Variants in SLC9A6 observed in about 807,000 individuals in gnomAD.
The protein encoded by SLC9A6 is sodium/hydrogen exchanger 6.
A neutral mutation model predicts 45.3 loss-of-function variants in SLC9A6; 6 were observed. That is an observed-to-expected ratio of 0.13 (90% CI 0.07 to 0.26). SLC9A6 has a LOEUF of 0.26. Ranked by LOEUF, SLC9A6 falls within the 10% of genes least tolerant of loss-of-function variation. SLC9A6 has a pLI of 1.00. For synonymous variants in SLC9A6, 191 were observed against 187.7 expected (o/e 1.02, Z -0.14); for missense variants, 278 against 503.7 (o/e 0.55, Z 4.29).
At chrX:135,983,526 A>AG (rs1226347801), upstream of SLC9A6, 8 of 109,007 alleles carry the variant, frequency 7.3e-5, no homozygotes, top group African/African-American at 2.7e-4. Flanking sequence ...CAGAAGCCTC[A>AG]GGGGGATTGG....
intron 16 of SLC9A6, among the ~76,000 whole-genome samples, chrX:136,036,051 T>A (rs1556621791): frequency 9.0e-6 from 1 of 110,528 alleles, no homozygotes; most frequent in Non-Finnish European, 1.9e-5. Context: ...AGTGAGCCAC[T>A]TGCCCAGCCT....
intron 2 of SLC9A6, among the ~76,000 whole-genome samples, chrX:135,993,309 T>A (rs2089458304): frequency 9.0e-6 from 1 of 111,303 alleles, no homozygotes; most frequent in South Asian, 3.8e-4. Context: ...GAGTGACTGC[T>A]AGTAGGTGTG....
At chrX:135,985,280 C>A (rs1422110950), upstream of SLC9A6, 11 of 287,977 alleles carry the variant, frequency 3.8e-5, no homozygotes, top group Middle Eastern at 9.0e-4. Flanking sequence ...GTTTAGACGG[C>A]CTTTCATTCC....
At chrX:136,002,941 C>G (rs1219735783) in intron 7 of SLC9A6, among the ~76,000 whole-genome samples, 8 of 111,145 alleles carry the variant, frequency 7.2e-5, no homozygotes, top group Non-Finnish European at 7.6e-5. Context: ...AATTCACACT[C>G]TTACATCTGT....
chrX:136,036,877 A>G (rs2148206456), intron 16 of SLC9A6, among the ~76,000 whole-genome samples: 1 of 112,615 alleles, frequency 8.9e-6, no homozygotes, highest in African/African-American at 3.2e-5. Flanking sequence ...ATCCATCACA[A>G]ATTCATTTTT....
At position 136,042,884 on chromosome X, in the gene SLC9A6, A is replaced by G. The variant is rs367769498; in HGVS notation, c.1768-1568A>G. On this transcript the variant is annotated intron_variant, in intron 17 of 17. Transcript: ENST00000630721. Reference sequence around the variant, plus strand: ...AATTCATGTATTCAGTCTCTTATGGATAGATGTTTCAGTCATTTCCTTTTT... The same window carrying G: ...AATTCATGTATTCAGTCTCTTATGGGTAGATGTTTCAGTCATTTCCTTTTT... Among the ~76,000 whole-genome samples, 30 of 111,567 alleles carry G rather than the reference A, an allele frequency of 2.7e-4. No homozygotes were observed. The South Asian group carries it at 0.01, about 39-fold the overall frequency.
At chrX:136,031,046 T>C (rs1030667164) in intron 15 of SLC9A6, among the ~76,000 whole-genome samples, 9 of 111,889 alleles carry the variant, frequency 8.0e-5, no homozygotes, top group Non-Finnish European at 1.5e-4. Context: ...TGAGTGTGAA[T>C]GTATGTATGA....
chrX:136,042,564 G>A, intron 17 of SLC9A6, among the ~76,000 whole-genome samples: 1 of 112,049 alleles, frequency 8.9e-6, no homozygotes, highest in Middle Eastern at 4.7e-3. Flanking sequence ...CATACAGTAT[G>A]GAATGTACAA....
rs2071479567 is a variant in SLC9A6, at chrX:136,040,038, G to A, written c.1662-38G>A. On this transcript the variant is annotated intron_variant, in intron 16 of 17. Coordinates refer to ENST00000630721, the MANE Select transcript of SLC9A6 (RefSeq NM_001379110.1). ...TCAAACGAGTTGCTCTTTTAAATTT[G>A]TAAAGAAAGGACCACAGCTCTTCCT... is the stretch of plus-strand genomic sequence containing the variant. 6 of 1,080,157 alleles carry A rather than the reference G, an allele frequency of 5.6e-6. No individual in the cohort carries two copies. The East Asian group carries it at 1.8e-4, about 33-fold the overall frequency. The allele number at this position is 1,080,157 out of a possible 1,213,427, so 89.0% of individuals were successfully genotyped here. A position where few individuals can be genotyped will look rare whatever the true frequency, so the allele number is the denominator to read the frequency against.
intron 11 of SLC9A6, among the ~76,000 whole-genome samples, chrX:136,019,558 A>G (rs1054889854): frequency 1.8e-5 from 2 of 112,684 alleles, no homozygotes; most frequent in Non-Finnish European, 3.7e-5. Context: ...ACGTTGGCCC[A>G]CATGTTTCGT....
In SLC9A6 at chrX:136,024,444, G is replaced by A; in HGVS notation, c.1421G>A (p.Gly474Asp). The change falls in exon 13 of 18, where the codon GGT becomes GAT. Residue 474 changes from glycine (G) to aspartate (D), a missense_variant. Gly to Asp is a moderately conservative substitution (Grantham distance 94). Transcript: ENST00000630721. ...LIVFFTVWVF[G>D]GGTTAMLSCL... ...GTGTTTTTTACCGTGTGGGTATTTGGTGGTGGCACCACTGCAATGCTGTCA... is the reference window on the plus strand; with the variant it reads ...GTGTTTTTTACCGTGTGGGTATTTGATGGTGGCACCACTGCAATGCTGTCA... The A allele has an allele frequency of 8.3e-7, 1 of 1,210,587 alleles. No homozygotes were observed. The highest frequency in any genetic ancestry group is 1.1e-6 in the Non-Finnish European group (1 of 894,724).
At chrX:135,985,917 T>C in intron 2 of SLC9A6, 90 bp downstream of exon 2, 1 of 1,050,601 alleles carries the variant, frequency 9.5e-7, no homozygotes, top group Non-Finnish European at 1.3e-6. Context: ...CTGCTCGGCC[T>C]ACGTTCGGCT....
chrX:136,020,048 G>T (rs1476703848), intron 11 of SLC9A6, among the ~76,000 whole-genome samples: 1 of 112,181 alleles, frequency 8.9e-6, no homozygotes, highest in African/African-American at 3.2e-5. Context: ...GACCACAGAG[G>T]TAAAATGCCA....
chrX:136,021,778 C>T (rs185492805), intron 11 of SLC9A6, among the ~76,000 whole-genome samples: 7 of 112,030 alleles, frequency 6.2e-5, no homozygotes, highest in South Asian at 3.8e-4. Flanking sequence ...CCTCCCGCCC[C>T]GGTCTCCCAA....
At chrX:135,974,805 A>G (rs1163693567) in intron 1 of SLC9A6, 3 of 317,219 alleles carry the variant, frequency 9.5e-6, no homozygotes, top group Non-Finnish European at 1.3e-5. Flanking sequence ...AGATTCGCGC[A>G]AAAAGAGGTG....
At chrX:135,985,968 T>C (rs782810486) in intron 2 of SLC9A6, 141 bp downstream of exon 2, 1 of 704,088 alleles carries the variant, frequency 1.4e-6, no homozygotes, top group East Asian at 3.5e-5. Flanking sequence ...GCCTTCCCCC[T>C]ACCCCGCGTT....
In SLC9A6 at chrX:136,044,436, CT is replaced by C. The variant is rs1388084124; in HGVS notation, c.1768-13del. ...ACTTCTCAAAAATTCTTAAATCTTA[CT>C]TTATTTGCATTTAGAACCAGGAACA... On this transcript the variant is annotated splice_polypyrimidine_tract_variant and intron_variant, in intron 17 of 17. Transcript: ENST00000630721. The C allele has an allele frequency of 6.7e-6, 8 of 1,195,282 alleles. No homozygotes were observed. Among genetic ancestry groups the C allele is most frequent in the Non-Finnish European group, 9.1e-6 (8 of 881,744 alleles).
intron 12 of SLC9A6, among the ~76,000 whole-genome samples, chrX:136,023,616 C>A (rs906860002): frequency 9.1e-6 from 1 of 110,016 alleles, no homozygotes; most frequent in South Asian, 4.0e-4. Flanking sequence ...ATGGGGAATG[C>A]ATCAGTGGTT....
chrX:135,982,395 CG>C (rs2089289917), upstream of SLC9A6, among the ~76,000 whole-genome samples: 1 of 323 alleles, frequency 3.1e-3, no homozygotes, highest in African/African-American at 0.014. Context: ...AGGTGGAGGG[CG>C]GGGGTTGGGG....
Sources: gnomAD v4.1 joint callset for allele counts (sites outside exome capture counted in the v4.1 genomes callset) on GRCh38, gnomAD v4.1.1 for gene constraint, MANE v1.5 for transcripts, NCBI Gene and HGNC (gene_info 2026-07-23, HGNC 2026-07-21) for gene names.